COQ6: variants seen among roughly 807,000 people sequenced by gnomAD.
The protein encoded by COQ6 is coenzyme Q6, monooxygenase.
COQ6 carries 45 observed loss-of-function variants against 55.5 expected under a neutral mutation model. The ratio of observed to expected loss-of-function variants is 0.81; its 90% confidence interval spans 0.64 to 1.04. The LOEUF is 1.04. Ranked by LOEUF, COQ6 falls within the 50% of genes least tolerant of loss-of-function variation. The pLI is 0.00. For synonymous variants in COQ6, 206 were observed against 230.5 expected, an observed-to-expected ratio of 0.89 and a Z score of 0.96; for missense variants, 550 against 601.3, an observed-to-expected ratio of 0.91 and a Z score of 0.89.
chr14:73,961,545 G>A lies in COQ6; in HGVS notation c.1185G>A (p.Thr395=), dbSNP rs148593471. Residue 395 remains threonine, a synonymous_variant, in exon 10 of 12, where the codon ACG becomes ACA. Transcript: ENST00000334571. The stretch of plus-strand genomic sequence containing the variant: ...CCAGCTTGGCCCATCACCTCAGTAC[G>A]GCAGCCTTCAATGGGAAGGACTTAG... ...DISSLAHHLS[T]AAFNGKDLGS... is the part of the protein sequence containing the mutation. 124 of 1,614,028 alleles carry A rather than the reference G, an allele frequency of 7.7e-5. No individual in the cohort carries two copies. The highest frequency in any genetic ancestry group is 1.0e-4 in the Non-Finnish European group (119 of 1,180,050).
At chr14:73,954,659 C>T (rs1453700333) in intron 2 of COQ6, among the ~76,000 whole-genome samples, 3 of 151,734 alleles carry the variant, frequency 2.0e-5, no homozygotes, top group South Asian at 4.2e-4. Flanking sequence ...CTGGCTAACA[C>T]GGTGAAACCC....
chr14:73,955,194 C>G (rs987853464), intron 2 of COQ6: 3 of 515,278 alleles, frequency 5.8e-6, no homozygotes, highest in African/African-American at 3.9e-5. Flanking sequence ...ATCTCGTGAT[C>G]CGCCCGCCTC....
chr14:73,957,432 A>G (rs554335134), intron 4 of COQ6, among the ~76,000 whole-genome samples: 1 of 152,308 alleles, frequency 6.6e-6, no homozygotes, highest in African/African-American at 2.4e-5. Context: ...CTGACATACA[A>G]AAAGCTGTAA....
At chr14:73,957,096 TTATTA>T (rs1408828862) in intron 4 of COQ6, among the ~76,000 whole-genome samples, 1 of 128,236 alleles carries the variant, frequency 7.8e-6, no homozygotes, top group African/African-American at 2.6e-5. Context: ...ATTATTATTA[TTATTA>T]TTTTTTTTTT....
intron 11 of COQ6, 113 bp from the exon 12 acceptor site, chr14:73,962,857 C>A: frequency 1.1e-6 from 1 of 926,062 alleles, no homozygotes; most frequent in Admixed American, 2.2e-5. Flanking sequence ...CTTTTTTTAG[C>A]TGAAATAAAA....
intron 11 of COQ6, 128 bp from the exon 12 acceptor site, chr14:73,962,842 T>G (rs2056812160): frequency 2.6e-6 from 2 of 773,706 alleles, no homozygotes; most frequent in Non-Finnish European, 4.4e-6. Context: ...TGTATGTATA[T>G]TTTTCTTTTT....
chr14:73,956,927 T>C (rs1369326880), intron 4 of COQ6: 1 of 152,078 alleles, frequency 6.6e-6, no homozygotes, highest in Non-Finnish European at 1.5e-5. Flanking sequence ...CATAATATAT[T>C]GGGTCATATG....
intron 8 of COQ6, 49 bp downstream of exon 8, chr14:73,959,571 G>T (rs1474841325): frequency 6.2e-7 from 1 of 1,613,204 alleles, no homozygotes; most frequent in Non-Finnish European, 8.5e-7. Flanking sequence ...GGGAGATACA[G>T]AAAGGTGTTG....
Position 73,963,057 on chromosome 14 carries a change from C to CA in COQ6, c.*59dup. 7.9e-7 allele frequency: 1 copy of CA among 1,263,866 alleles called. No homozygotes were observed. The highest frequency in any genetic ancestry group is 1.2e-6 in the Non-Finnish European group (1 of 861,324). The allele number at this position is 1,263,866 out of a possible 1,614,324, so 78.3% of individuals were successfully genotyped here. A position where few individuals can be genotyped will look rare whatever the true frequency, so the allele number is the denominator to read the frequency against. ...GAAAAAGAACATCCTGCCCAGGACC[C>CA]ATCATACATATTTTCAAGATCTTAT... is the stretch of plus-strand genomic sequence containing the variant. On this transcript the variant is annotated 3_prime_UTR_variant, in exon 12 of 12. Coordinates refer to ENST00000334571, the MANE Select transcript of COQ6 (RefSeq NM_182476.3).
intron 4 of COQ6, 58 bp from the exon 5 acceptor site, chr14:73,958,089 T>C: frequency 2.1e-6 from 3 of 1,412,890 alleles, no homozygotes; most frequent in Non-Finnish European, 3.0e-6. Context: ...TATGGCTTTT[T>C]CCTCAGCCTA....
At chr14:73,958,727 G>A (rs961800728) in intron 5 of COQ6, 5 of 1,411,102 alleles carry the variant, frequency 3.5e-6, no homozygotes, top group Non-Finnish European at 4.6e-6. Context: ...ATATCAGGAG[G>A]GCCTGGCTGA....
chr14:73,951,777 G>T (rs2056204129), intron 1 of COQ6, among the ~76,000 whole-genome samples: 1 of 151,000 alleles, frequency 6.6e-6, no homozygotes, highest in Non-Finnish European at 1.5e-5. Context: ...AAGGGCAGCT[G>T]TTCCACCCTA....
intron 3 of COQ6, 45 bp from the exon 4 acceptor site, chr14:73,955,760 G>A: frequency 6.2e-7 from 1 of 1,613,926 alleles, no homozygotes; most frequent in Non-Finnish European, 8.5e-7. Context: ...TTGGAGTGAT[G>A]TTTCCCTCTT....
intron 2 of COQ6, among the ~76,000 whole-genome samples, chr14:73,954,555 G>T (rs961916587): frequency 3.4e-4 from 52 of 152,120 alleles, no homozygotes; most frequent in African/African-American, 1.3e-3. Flanking sequence ...GAACAATATG[G>T]ATTTGGGGCC....
chr14:73,950,587 C>CA, intron 1 of COQ6, 92 bp downstream of exon 1: 1 of 1,491,126 alleles, frequency 6.7e-7, no homozygotes, highest in Non-Finnish European at 9.0e-7. Context: ...TGCCCAAAGA[C>CA]AATTTCTCAG....
At chr14:73,950,287 A>T (rs190525866), upstream of COQ6, 2 of 1,541,062 alleles carry the variant, frequency 1.3e-6, no homozygotes, top group Admixed American at 2.0e-5. Flanking sequence ...CGCACTACGT[A>T]GGTGGGCCTG....
chr14:73,957,459 G>C (rs2056492701), intron 4 of COQ6, among the ~76,000 whole-genome samples: 1 of 152,182 alleles, frequency 6.6e-6, no homozygotes, highest in African/African-American at 2.4e-5. Flanking sequence ...TATACAGGCT[G>C]ATGTTTTTGG....
intron 8 of COQ6, chr14:73,959,811 C>A: frequency 7.8e-7 from 1 of 1,281,426 alleles, no homozygotes; most frequent in Non-Finnish European, 1.0e-6. Flanking sequence ...CTCAAGTGAT[C>A]TGCCTGCCTT....
Position 73,959,398 on chromosome 14 carries a change from G to GT in COQ6, c.784-16dup. The GT allele has an allele frequency of 1.2e-6, 2 of 1,614,144 alleles. No individual in the cohort carries two copies. Among genetic ancestry groups the GT allele is most frequent in the Admixed American group, 3.3e-5 (2 of 60,028 alleles). On this transcript the variant is annotated splice_polypyrimidine_tract_variant and intron_variant, in intron 7 of 11. Coordinates refer to ENST00000334571, the MANE Select transcript of COQ6 (RefSeq NM_182476.3). ...AGCAGAGTCTTAGCCGTTGGTATTGGTGTTCTTTTGACACAGCTCTCAGAC... is the reference window on the plus strand; with the variant it reads ...AGCAGAGTCTTAGCCGTTGGTATTGGTTGTTCTTTTGACACAGCTCTCAGAC...
Sources: gnomAD v4.1 joint callset for allele counts (sites outside exome capture counted in the v4.1 genomes callset) on GRCh38, gnomAD v4.1.1 for gene constraint, MANE v1.5 for transcripts, NCBI Gene and HGNC (gene_info 2026-07-23, HGNC 2026-07-21) for gene names.